B3GALNT1: variants seen among roughly 807,000 people sequenced by gnomAD.
The protein encoded by B3GALNT1 is UDP-GalNAc:beta-1,3-N-acetylgalactosaminyltransferase 1.
B3GALNT1 carries 17 observed loss-of-function variants against 27.3 expected under a neutral mutation model. The ratio of observed to expected loss-of-function variants is 0.62; its 90% confidence interval spans 0.43 to 0.94. The LOEUF (loss-of-function observed/expected upper bound fraction) is 0.94. Among genes scored for constraint, B3GALNT1 ranks in the 40% least tolerant of loss-of-function variants. The pLI, the probability that B3GALNT1 is intolerant of heterozygous loss-of-function variation, is 0.00. For missense variants in B3GALNT1, 347 were observed against 390.0 expected (o/e 0.89, Z 0.93); for synonymous variants, 141 against 144.0 (o/e 0.98, Z 0.15).
At chr3:161,097,449 T>C (rs1443808896) in intron 4 of B3GALNT1, among the ~76,000 whole-genome samples, 2 of 152,174 alleles carry the variant, frequency 1.3e-5, no homozygotes, top group African/African-American at 4.8e-5. Context: ...CAATTAAACA[T>C]GCAAATAAAT....
intron 4 of B3GALNT1, among the ~76,000 whole-genome samples, chr3:161,094,356 T>A (rs1379298607): frequency 6.6e-6 from 1 of 152,206 alleles, no homozygotes; most frequent in Non-Finnish European, 1.5e-5. Context: ...AACTAATTGT[T>A]CATGCAGATA....
chr3:161,092,763 CTTTTTTTT>C (rs33946641), intron 4 of B3GALNT1, among the ~76,000 whole-genome samples: 1 of 104,870 alleles, frequency 9.5e-6, no homozygotes, highest in Admixed American at 1.1e-4. Context: ...TTTCATTTTT[CTTTTTTTT>C]TTTTTTTTTT....
chr3:161,104,132 C>T (rs1026830860), intron 2 of B3GALNT1, 187 bp downstream of exon 2: 1 of 350,754 alleles, frequency 2.9e-6, no homozygotes. Context: ...GTCATAGTCT[C>T]TTATCTGTTA....
intron 4 of B3GALNT1, among the ~76,000 whole-genome samples, chr3:161,089,609 T>C (rs545208611): frequency 2.6e-5 from 4 of 152,086 alleles, no homozygotes; most frequent in East Asian, 1.9e-4. Context: ...GATTGAGAAA[T>C]AGAAGACACA....
Position 161,084,211 on chromosome 3 carries a change from G to T in B3GALNT1, c.*1548C>A, listed in dbSNP as rs1039709220. On this transcript the variant is annotated 3_prime_UTR_variant, in exon 5 of 5. Coordinates refer to ENST00000320474, the MANE Select transcript of B3GALNT1 (RefSeq NM_003781.4). Reference sequence around the variant, plus strand: ...ACTACCACCATCTGTCTTAAAGAACGTGACTCCTATATGGATGGAGATTAA... The same window carrying T: ...ACTACCACCATCTGTCTTAAAGAACTTGACTCCTATATGGATGGAGATTAA... 6.6e-6 allele frequency: 1 copy of T among 152,060 alleles called. No homozygotes were observed. The highest frequency in any genetic ancestry group is 6.6e-5 in the Admixed American group (1 of 15,234). The allele number at this position is 152,060 out of a possible 1,614,324, so 9.4% of individuals were successfully genotyped here.
chr3:161,086,359 G>A lies in B3GALNT1; in HGVS notation c.396C>T (p.Ser132=), dbSNP rs778210669. Residue 132 remains serine (S), a synonymous_variant, in exon 5 of 5, where the codon TCC becomes TCT. Coordinates refer to ENST00000320474, the MANE Select transcript of B3GALNT1 (RefSeq NM_003781.4). ...AEKEDKMLAL[S]LEDEHLLYGD... is the part of the protein sequence containing the mutation. ...CATAAAGAAGGTGTTCATCCTCTAA[G>A]GACAATGCCAACATTTTGTCTTCCT... The A allele has an allele frequency of 4.3e-6, 7 of 1,613,970 alleles. No individual in the cohort carries two copies. Among genetic ancestry groups the A allele is most frequent in the Non-Finnish European group, 5.9e-6 (7 of 1,180,022 alleles).
At position 161,085,817 on chromosome 3, in the gene B3GALNT1, G is replaced by C. The variant is rs1721348981; in HGVS notation, c.938C>G (p.Ser313Cys). The change falls in exon 5 of 5, where the codon TCC (serine) becomes TGC (cysteine). Residue 313 changes from serine (S) to cysteine (C), a missense_variant. Coordinates refer to ENST00000320474, the MANE Select transcript of B3GALNT1 (RefSeq NM_003781.4). Reference sequence around the variant, plus strand: ...CTGCCAAAAAGTGATGATCTCCTTGGAAGAAAAGCCATGGGCTGCAATCAC... The same window carrying C: ...CTGCCAAAAAGTGATGATCTCCTTGCAAGAAAAGCCATGGGCTGCAATCAC... ...RRVIAAHGFS[S>C]KEIITFWQVM... 6.2e-7 allele frequency: 1 copy of C among 1,614,034 alleles called. No homozygotes were observed. The highest frequency in any genetic ancestry group is 8.5e-7 in the Non-Finnish European group (1 of 1,180,034).
At chr3:161,092,375 T>C (rs1725585096) in intron 4 of B3GALNT1, among the ~76,000 whole-genome samples, 1 of 152,186 alleles carries the variant, frequency 6.6e-6, no homozygotes, top group African/African-American at 2.4e-5. Flanking sequence ...TTATCATTTA[T>C]AAAAATTCTA....
chr3:161,096,548 T>C (rs1728278520), intron 4 of B3GALNT1, among the ~76,000 whole-genome samples: 1 of 152,254 alleles, frequency 6.6e-6, no homozygotes. Context: ...ACCAATCATG[T>C]ATATTCCTTA....
At chr3:161,096,738 T>C (rs1396746601) in intron 4 of B3GALNT1, among the ~76,000 whole-genome samples, 1 of 152,190 alleles carries the variant, frequency 6.6e-6, no homozygotes, top group Admixed American at 6.5e-5. Flanking sequence ...CTCCCCTGAT[T>C]ATATTAGAAA....
intron 4 of B3GALNT1, among the ~76,000 whole-genome samples, chr3:161,090,701 A>T (rs1039403131): frequency 7.0e-6 from 1 of 142,740 alleles, no homozygotes; most frequent in Non-Finnish European, 1.5e-5. Flanking sequence ...TCTCTACTTT[A>T]AAAAAAAAAA....
intron 4 of B3GALNT1, among the ~76,000 whole-genome samples, chr3:161,090,715 T>A (rs527356886): frequency 4.6e-5 from 7 of 151,616 alleles, no homozygotes; most frequent in African/African-American, 1.7e-4. Flanking sequence ...AAAAAAAAAA[T>A]TGTTTAGAAG....
intron 4 of B3GALNT1, among the ~76,000 whole-genome samples, chr3:161,087,228 A>G (rs1333534175): frequency 6.6e-6 from 1 of 152,232 alleles, no homozygotes; most frequent in Admixed American, 6.5e-5. Context: ...TACTAGCCAC[A>G]TGCCCAAATA....
At chr3:161,087,548 GT>G in intron 4 of B3GALNT1, among the ~76,000 whole-genome samples, 1 of 152,318 alleles carries the variant, frequency 6.6e-6, no homozygotes, top group Middle Eastern at 3.4e-3. Flanking sequence ...TTAGTATTAA[GT>G]TTTCACATTT....
At chr3:161,089,394 G>A (rs1723729696) in intron 4 of B3GALNT1, among the ~76,000 whole-genome samples, 1 of 152,086 alleles carries the variant, frequency 6.6e-6, no homozygotes, top group Non-Finnish European at 1.5e-5. Flanking sequence ...GTTAAAAAAT[G>A]TAACTAAAAT....
chr3:161,097,573 C>T (rs756775270), intron 4 of B3GALNT1, among the ~76,000 whole-genome samples: 44 of 152,304 alleles, frequency 2.9e-4, no homozygotes, highest in Non-Finnish European at 4.7e-4. Flanking sequence ...CAAATACGAG[C>T]CCCAAAGAAC....
At chr3:161,091,863 A>G (rs979750287) in intron 4 of B3GALNT1, among the ~76,000 whole-genome samples, 1 of 152,226 alleles carries the variant, frequency 6.6e-6, no homozygotes, top group Non-Finnish European at 1.5e-5. Flanking sequence ...GTCATTTTGC[A>G]ATCTTTCATG....
At position 161,101,186 on chromosome 3, in the gene B3GALNT1, C is replaced by A; in HGVS notation, c.-82G>T. On this transcript the variant is annotated 5_prime_UTR_variant, in exon 4 of 5. Coordinates refer to ENST00000320474, the MANE Select transcript of B3GALNT1 (RefSeq NM_003781.4). ...CGGAGAGCACCACGTGATAGAGCAG[C>A]CAGCGGGAAGAGCCAACAGGTCAAC... is the stretch of plus-strand genomic sequence containing the variant. 4 of 1,289,894 alleles carry A rather than the reference C, an allele frequency of 3.1e-6. No homozygotes were observed. The highest frequency in any genetic ancestry group is 4.0e-6 in the Non-Finnish European group (4 of 988,884). The allele number at this position is 1,289,894 out of a possible 1,614,324, so 79.9% of individuals were successfully genotyped here.
At chr3:161,100,509 T>C (rs1008316884) in intron 4 of B3GALNT1, among the ~76,000 whole-genome samples, 5 of 152,248 alleles carry the variant, frequency 3.3e-5, no homozygotes, top group African/African-American at 1.2e-4. Context: ...TTCAGTGTGC[T>C]GAGGTATAAG....
Sources: gnomAD v4.1 joint callset for allele counts (sites outside exome capture counted in the v4.1 genomes callset) on GRCh38, gnomAD v4.1.1 for gene constraint, MANE v1.5 for transcripts, NCBI Gene and HGNC (gene_info 2026-07-23, HGNC 2026-07-21) for gene names.